The following MCC variants were observed in gnomAD, a reference collection of about 807,000 sequenced individuals.
The protein encoded by MCC is MCC regulator of Wnt signaling pathway, also known as colorectal mutant cancer protein.
MCC carries 90 observed loss-of-function variants against 116.2 expected under a neutral mutation model. That is an observed-to-expected ratio of 0.77 (90% CI 0.65 to 0.92). The LOEUF (loss-of-function observed/expected upper bound fraction) is 0.92, where lower values mean the gene tolerates loss of function less well. Among genes scored for constraint, MCC ranks in the 40% least tolerant of loss-of-function variants. The probability of loss-of-function intolerance (pLI) is 0.00; values close to 1 mark genes in which losing one functional copy is unlikely to be tolerated. For synonymous variants in MCC, 578 were observed against 510.5 expected (o/e 1.13, Z -1.78); for missense variants, 1,516 against 1,312.2 (o/e 1.16, Z -2.40).
intron 2 of MCC, among the ~76,000 whole-genome samples, chr5:113,354,920 CT>C (rs1262173264): frequency 6.6e-6 from 1 of 151,672 alleles, no homozygotes; most frequent in Admixed American, 6.6e-5. Context: ...AAAAGATAGT[CT>C]TTTTTTCTGT....
intron 2 of MCC, among the ~76,000 whole-genome samples, chr5:113,375,577 C>T (rs1402992436): frequency 2.0e-5 from 3 of 152,166 alleles, no homozygotes; most frequent in African/African-American, 4.8e-5. Context: ...TCTGGGGTCA[C>T]TGATGTGACT....
At chr5:113,203,614 A>G (rs58254276) in intron 3 of MCC, among the ~76,000 whole-genome samples, 3,906 of 152,316 alleles carry the variant, frequency 0.026, 160 homozygotes, top group African/African-American at 0.089. Flanking sequence ...TTTCGCTTCC[A>G]AAGTTTGTGG....
intron 1 of MCC, among the ~76,000 whole-genome samples, chr5:113,389,115 C>T (rs1265977755): frequency 1.3e-5 from 2 of 152,132 alleles, no homozygotes; most frequent in African/African-American, 4.8e-5. Context: ...TTGTTACCAA[C>T]AAGATGAGAA....
chr5:113,098,227 T>C (rs1433092873), intron 8 of MCC, among the ~76,000 whole-genome samples: 1 of 152,146 alleles, frequency 6.6e-6, no homozygotes, highest in Admixed American at 6.6e-5. Flanking sequence ...GCTAAAAAAA[T>C]GGGAACAATG....
intron 1 of MCC, among the ~76,000 whole-genome samples, chr5:113,421,735 C>T (rs781687761): frequency 7.2e-5 from 11 of 152,198 alleles, no homozygotes; most frequent in Non-Finnish European, 1.3e-4. Context: ...ATCCACGGAG[C>T]TAATGTATAT....
In MCC at chr5:113,241,911, T is replaced by C. The variant is rs111828779; in HGVS notation, c.628-90489A>G. On this transcript the variant is annotated intron_variant, in intron 3 of 18. Transcript: ENST00000408903. ...CTGTTGGCTAATCCAGCTATTCCCA[T>C]AGAGCTTCAAATCAGATTTTTTACA... Among the ~76,000 whole-genome samples, 21 of 152,300 alleles carry C rather than the reference T, an allele frequency of 1.4e-4. 1 individual carries two copies. The highest frequency in any genetic ancestry group is 3.8e-4 in the African/African-American group (16 of 41,564).
intron 1 of MCC, among the ~76,000 whole-genome samples, chr5:113,480,933 C>T (rs901478208): frequency 6.6e-6 from 1 of 152,016 alleles, no homozygotes; most frequent in Admixed American, 6.6e-5. Context: ...AGCTGCCATG[C>T]CTGGGTAATT....
At chr5:113,471,868 G>A (rs550587809) in intron 1 of MCC, among the ~76,000 whole-genome samples, 20 of 152,112 alleles carry the variant, frequency 1.3e-4, no homozygotes, top group Admixed American at 5.2e-4. Context: ...AATGGCGGGC[G>A]CCCCTCCCCC....
At chr5:113,486,390 A>T (rs946445739) in intron 1 of MCC, among the ~76,000 whole-genome samples, 22 of 152,250 alleles carry the variant, frequency 1.4e-4, no homozygotes, top group African/African-American at 5.1e-4. Flanking sequence ...AATTACGCTT[A>T]CAGAATTCAT....
chr5:113,294,830 G>T, intron 3 of MCC: 3 of 986,224 alleles, frequency 3.0e-6, no homozygotes, highest in Non-Finnish European at 3.6e-6. Context: ...GGGCGGTGGG[G>T]CGAGGAAGAT....
At chr5:113,158,440 C>T (rs1225939277) in intron 3 of MCC, among the ~76,000 whole-genome samples, 2 of 152,222 alleles carry the variant, frequency 1.3e-5, no homozygotes, top group Non-Finnish European at 2.9e-5. Flanking sequence ...TACACTTTAC[C>T]TGTTCCATCA....
At chr5:113,314,103 G>A (rs1767214351) in intron 3 of MCC, among the ~76,000 whole-genome samples, 1 of 151,748 alleles carries the variant, frequency 6.6e-6, no homozygotes, top group Non-Finnish European at 1.5e-5. Flanking sequence ...ACAGGTGTGA[G>A]CCACTGCACT....
chr5:113,433,470 G>T, intron 1 of MCC: 1 of 613,308 alleles, frequency 1.6e-6, no homozygotes, highest in Non-Finnish European at 2.9e-6. Context: ...GCTGAGACAG[G>T]CTCTGTGTCC....
chr5:113,393,785 C>T (rs1301773787), intron 1 of MCC, among the ~76,000 whole-genome samples: 3 of 152,138 alleles, frequency 2.0e-5, no homozygotes, highest in East Asian at 3.8e-4. Flanking sequence ...TGCTTAATGC[C>T]GACTGCTACC....
At chr5:113,226,770 A>G (rs1247533628) in intron 3 of MCC, among the ~76,000 whole-genome samples, 1 of 152,212 alleles carries the variant, frequency 6.6e-6, no homozygotes, top group Non-Finnish European at 1.5e-5. Context: ...AGTGTTTAAA[A>G]TTCTAACTTT....
chr5:113,287,658 G>C (rs1486053133), intron 3 of MCC, among the ~76,000 whole-genome samples: 5 of 152,128 alleles, frequency 3.3e-5, no homozygotes, highest in Non-Finnish European at 7.4e-5. Flanking sequence ...TATAAATGCA[G>C]GTTTGATCTT....
intron 17 of MCC, among the ~76,000 whole-genome samples, chr5:113,030,151 G>C (rs1050277711): frequency 6.6e-6 from 1 of 152,086 alleles, no homozygotes; most frequent in African/African-American, 2.4e-5. Flanking sequence ...AAGACAGTTG[G>C]GTAGGATCTA....
intron 14 of MCC, among the ~76,000 whole-genome samples, chr5:113,063,733 A>G (rs1009146112): frequency 6.6e-6 from 1 of 152,242 alleles, no homozygotes; most frequent in African/African-American, 2.4e-5. Flanking sequence ...TTCCATCTCT[A>G]CCACTTTCCA....
chr5:113,364,344 A>C (rs934197527), intron 2 of MCC, among the ~76,000 whole-genome samples: 2 of 151,910 alleles, frequency 1.3e-5, no homozygotes, highest in East Asian at 3.9e-4. Context: ...AAGCTCCAAA[A>C]TAATCTCCTT....
Sources: gnomAD v4.1 joint callset for allele counts (sites outside exome capture counted in the v4.1 genomes callset) on GRCh38, gnomAD v4.1.1 for gene constraint, MANE v1.5 for transcripts, NCBI Gene and HGNC (gene_info 2026-07-23, HGNC 2026-07-21) for gene names.